Variants in BABAM2 observed in about 807,000 individuals in gnomAD.
The protein encoded by BABAM2 is BRISC and BRCA1 A complex member 2.
In BABAM2, 31 loss-of-function variants were observed where a neutral mutation model predicts 54.7. The observed-to-expected ratio is 0.57, with a 90% CI of 0.43 to 0.77. BABAM2 has a LOEUF of 0.77. Among genes scored for constraint, BABAM2 ranks in the 30% least tolerant of loss-of-function variants. The probability of loss-of-function intolerance (pLI) is 0.00; values close to 1 mark genes in which losing one functional copy is unlikely to be tolerated. For synonymous variants in BABAM2, 167 were observed against 162.9 expected (o/e 1.03, Z -0.19); for missense variants, 364 against 455.8 (o/e 0.80, Z 1.83).
chr2:28,206,665 G>A (rs1248069196), intron 7 of BABAM2, among the ~76,000 whole-genome samples: 1 of 152,128 alleles, frequency 6.6e-6, no homozygotes, highest in Non-Finnish European at 1.5e-5. Flanking sequence ...GCATCTGTTT[G>A]TCGCCTATCT....
intron 7 of BABAM2, 41 bp from the exon 8 acceptor site, chr2:28,237,161 G>A: frequency 6.4e-7 from 1 of 1,555,726 alleles, no homozygotes; most frequent in African/African-American, 1.4e-5. Flanking sequence ...TAAGTTGCTT[G>A]AGCCCTAAGA....
intron 7 of BABAM2, among the ~76,000 whole-genome samples, chr2:28,212,972 A>G (rs1679609922): frequency 6.6e-6 from 1 of 152,222 alleles, no homozygotes; most frequent in African/African-American, 2.4e-5. Context: ...TAATCCCAGC[A>G]CTTTGGGAGG....
At chr2:28,082,443 C>T (rs962122859) in intron 6 of BABAM2, among the ~76,000 whole-genome samples, 1 of 152,180 alleles carries the variant, frequency 6.6e-6, no homozygotes, top group African/African-American at 2.4e-5. Context: ...CCTTGAGTTC[C>T]AGTCCCAGTT....
At position 28,114,492 on chromosome 2, in the gene BABAM2, TGAA is replaced by T. The variant is rs565021246; in HGVS notation, c.571-14771_571-14769del. Among the ~76,000 whole-genome samples the T allele has an allele frequency of 4.6e-5, 7 of 152,330 alleles. No individual in the cohort carries two copies. The South Asian group carries it at 1.2e-3, about 27-fold the overall frequency. On this transcript the variant is annotated intron_variant, in intron 6 of 11. Coordinates refer to ENST00000379624, the MANE Select transcript of BABAM2 (RefSeq NM_199191.3). ...CGTATTACCTTGTAGGATCTCCTATTGAAGAAGAAGGAAGAAACTTCTCTCATT... is the reference window on the plus strand; with the variant it reads ...CGTATTACCTTGTAGGATCTCCTATTGAAGAAGGAAGAAACTTCTCTCATT...
intron 3 of BABAM2, among the ~76,000 whole-genome samples, chr2:27,957,119 TA>T (rs1670147299): frequency 1.3e-5 from 2 of 152,156 alleles, no homozygotes; most frequent in Non-Finnish European, 2.9e-5. Context: ...CTTCTCTGGC[TA>T]AAAAAATGTT....
intron 2 of BABAM2, among the ~76,000 whole-genome samples, chr2:27,901,735 A>G (rs1031609098): frequency 3.9e-5 from 6 of 152,130 alleles, no homozygotes; most frequent in African/African-American, 1.2e-4. Flanking sequence ...ATTGCGCCCA[A>G]TCTCGTCTGA....
intron 3 of BABAM2, among the ~76,000 whole-genome samples, chr2:27,931,597 C>T (rs922785625): frequency 5.3e-5 from 8 of 152,022 alleles, no homozygotes; most frequent in Admixed American, 3.3e-4. Flanking sequence ...TACCCTGTAG[C>T]TTAAAAATTT....
intron 7 of BABAM2, among the ~76,000 whole-genome samples, chr2:28,138,580 A>G (rs866401538): frequency 2.0e-5 from 3 of 152,182 alleles, no homozygotes; most frequent in African/African-American, 7.2e-5. Flanking sequence ...ATATTGTCTC[A>G]TGCTAGAATA....
Position 28,025,392 on chromosome 2 carries a change from A to C in BABAM2, c.467A>C (p.Glu156Ala). Reference sequence around the variant, plus strand: ...GAGCCACAGTATGGAGAGAACATGGAAATTTATGCTGGGAAAAAAAACAAC... The same window carrying C: ...GAGCCACAGTATGGAGAGAACATGGCAATTTATGCTGGGAAAAAAAACAAC... ...LEEPQYGENMEIYAGKKNNWT... is the reference protein window; with the variant it reads ...LEEPQYGENMAIYAGKKNNWT... The change falls in exon 5 of 12, where the codon GAA (glutamate) becomes GCA (alanine). Residue 156 changes from glutamate (E) to alanine (A), a missense_variant. Transcript: ENST00000379624. The C allele has an allele frequency of 1.3e-6, 2 of 1,577,648 alleles. No individual in the cohort carries two copies. The highest frequency in any genetic ancestry group is 1.7e-6 in the Non-Finnish European group (2 of 1,170,028).
At chr2:28,115,241 A>G (rs959378641) in intron 6 of BABAM2, among the ~76,000 whole-genome samples, 18 of 150,666 alleles carry the variant, frequency 1.2e-4, no homozygotes, top group African/African-American at 3.7e-4. Context: ...ATCAAATACT[A>G]TCATATTTGG....
chr2:28,234,641 G>A (rs555417964), intron 7 of BABAM2, among the ~76,000 whole-genome samples: 3 of 152,186 alleles, frequency 2.0e-5, no homozygotes, highest in Non-Finnish European at 1.5e-5. Context: ...CTCTAAGTGA[G>A]CGATGAGTAG....
At chr2:28,101,692 T>C (rs931466057) in intron 6 of BABAM2, among the ~76,000 whole-genome samples, 2 of 152,210 alleles carry the variant, frequency 1.3e-5, no homozygotes, top group East Asian at 3.8e-4. Flanking sequence ...TTCTACTGTT[T>C]GTGCATGTTT....
intron 7 of BABAM2, among the ~76,000 whole-genome samples, chr2:28,183,478 G>A (rs1393791425): frequency 6.6e-6 from 1 of 152,092 alleles, no homozygotes; most frequent in Non-Finnish European, 1.5e-5. Context: ...TTCCCTCAAT[G>A]TAAATGAAGG....
chr2:27,900,265 T>C (rs1467531600), intron 2 of BABAM2, among the ~76,000 whole-genome samples: 1 of 152,216 alleles, frequency 6.6e-6, no homozygotes, highest in Non-Finnish European at 1.5e-5. Context: ...ACCAGTCTTA[T>C]TACATGTAGC....
At chr2:27,972,275 G>A (rs1028590209) in intron 3 of BABAM2, among the ~76,000 whole-genome samples, 3 of 152,186 alleles carry the variant, frequency 2.0e-5, no homozygotes, top group African/African-American at 4.8e-5. Flanking sequence ...GGGGACTATC[G>A]TGTAGAATAA....
intron 2 of BABAM2, among the ~76,000 whole-genome samples, chr2:27,928,964 G>A (rs987930799): frequency 2.3e-4 from 34 of 149,434 alleles, no homozygotes; most frequent in Admixed American, 1.0e-3. Flanking sequence ...CTGTGATCCT[G>A]ACACTTTGGG....
At chr2:28,272,477 G>A (rs182744697) in intron 10 of BABAM2, among the ~76,000 whole-genome samples, 4 of 152,182 alleles carry the variant, frequency 2.6e-5, no homozygotes, top group African/African-American at 7.2e-5. Flanking sequence ...AGAGGAACGC[G>A]AACTGGCTCA....
At chr2:28,136,122 TC>T (rs2147722771) in intron 7 of BABAM2, among the ~76,000 whole-genome samples, 1 of 152,264 alleles carries the variant, frequency 6.6e-6, no homozygotes, top group African/African-American at 2.4e-5. Flanking sequence ...CCCGAACACA[TC>T]TTGTATTTTT....
At position 27,929,878 on chromosome 2, in the gene BABAM2, C is replaced by A; in HGVS notation, c.175C>A (p.His59Asn). 6.2e-7 allele frequency: 1 copy of A among 1,613,516 alleles called. No individual in the cohort carries two copies. The highest frequency in any genetic ancestry group is 8.5e-7 in the Non-Finnish European group (1 of 1,179,466). ...GCCCAACTGTGACCGATTTAAACTG[C>A]ACATACCATATGCTGGAGAGACATT... ...PGPNCDRFKL[H>N]IPYAGETLKW... Residue 59 changes from histidine to asparagine, a missense_variant, in exon 3 of 12, where the codon CAC becomes AAC. By Grantham distance (68) the His-to-Asn change is moderately conservative. Transcript: ENST00000379624.
Sources: allele counts gnomAD v4.1 joint callset (sites outside exome capture counted in the v4.1 genomes callset), GRCh38; gene constraint gnomAD v4.1.1; transcripts MANE v1.5; gene names NCBI Gene and HGNC (gene_info 2026-07-23, HGNC 2026-07-21).